Variants in NRXN1 observed in about 807,000 individuals in gnomAD.
NRXN1 encodes the protein neurexin-1.
In NRXN1, 39 loss-of-function variants were observed where a neutral mutation model predicts 150.9. The observed-to-expected ratio is 0.26, with a 90% CI of 0.20 to 0.34. NRXN1 has a LOEUF of 0.34. Ranked by LOEUF, NRXN1 falls within the 10% of genes least tolerant of loss-of-function variation. NRXN1 has a pLI of 1.00. For missense variants in NRXN1, 1,815 were observed against 1,949.9 expected (o/e 0.93, Z 1.30); for synonymous variants, 924 against 757.0 (o/e 1.22, Z -3.62).
At chr2:50,947,856 A>C (rs536696832) in intron 2 of NRXN1, among the ~76,000 whole-genome samples, 2 of 151,988 alleles carry the variant, frequency 1.3e-5, no homozygotes, top group Non-Finnish European at 2.9e-5. Context: ...GTGAAAAGGG[A>C]AAAACTTGTT....
intron 5 of NRXN1, among the ~76,000 whole-genome samples, chr2:50,796,021 C>A (rs1186187705): frequency 1.3e-5 from 2 of 152,058 alleles, no homozygotes; most frequent in Non-Finnish European, 2.9e-5. Flanking sequence ...CCAGTCAAGT[C>A]TGGGGGAAAC....
At chr2:50,519,192 A>C (rs2092711462) in intron 12 of NRXN1, among the ~76,000 whole-genome samples, 1 of 151,928 alleles carries the variant, frequency 6.6e-6, no homozygotes, top group African/African-American at 2.4e-5. Context: ...TGAACATTCG[A>C]ATGCAATATA....
At chr2:50,490,422 C>T (rs2091183491) in intron 15 of NRXN1, among the ~76,000 whole-genome samples, 2 of 152,142 alleles carry the variant, frequency 1.3e-5, no homozygotes, top group Admixed American at 1.3e-4. Flanking sequence ...AAAGCTACCT[C>T]TGTGTAATTG....
At position 51,027,854 on chromosome 2, in the gene NRXN1, G is replaced by C. The variant is rs751401940; in HGVS notation, c.420C>G (p.Val140=). ...CCGTCATGTCCCTGCGCTTGGACTT[G>C]ACCTCCACCCACTTGGCCTCCACCT... is the stretch of plus-strand genomic sequence containing the variant. ...IDQVEAKWVE[V]KSKRRDMTVF... is the part of the protein sequence containing the mutation. Residue 140 remains valine, a synonymous_variant, in exon 2 of 23, where the codon GTC becomes GTG. Transcript: ENST00000401669. 28 of 1,613,072 alleles carry C rather than the reference G, an allele frequency of 1.7e-5. No individual in the cohort carries two copies. Among genetic ancestry groups the C allele is most frequent in the Non-Finnish European group, 2.3e-5 (27 of 1,179,726 alleles).
intron 5 of NRXN1, among the ~76,000 whole-genome samples, chr2:50,893,173 T>G (rs1180067193): frequency 6.6e-6 from 1 of 152,152 alleles, no homozygotes; most frequent in Non-Finnish European, 1.5e-5. Context: ...TTTTGTACCC[T>G]AAGTGCATCT....
intron 12 of NRXN1, among the ~76,000 whole-genome samples, chr2:50,515,189 C>T (rs1215862323): frequency 6.6e-6 from 1 of 152,138 alleles, no homozygotes; most frequent in African/African-American, 2.4e-5. Flanking sequence ...GTGAACTGCA[C>T]ATGCAAGGGA....
At chr2:50,144,380 C>T (rs1707709558) in intron 18 of NRXN1, among the ~76,000 whole-genome samples, 1 of 151,722 alleles carries the variant, frequency 6.6e-6, no homozygotes, top group African/African-American at 2.4e-5. Flanking sequence ...ACTCACAGCC[C>T]CTGAGTTTTC....
At position 50,830,004 on chromosome 2, in the gene NRXN1, A is replaced by G. The variant is rs924746198; in HGVS notation, c.832+91865T>C. The stretch of plus-strand genomic sequence containing the variant: ...CCAAAGAATACTGCCTGCTGGAAAA[A>G]AAAAAAAAAAAAAAAAAAAAAAAAA... On this transcript the variant is annotated intron_variant, in intron 5 of 22. Coordinates refer to ENST00000401669, the MANE Select transcript of NRXN1 (RefSeq NM_001330078.2). Among the ~76,000 whole-genome samples the G allele has an allele frequency of 4.4e-3, 199 of 44,782 alleles. 5 individuals carry two copies. Among genetic ancestry groups the G allele is most frequent in the Non-Finnish European group, 0.011 (133 of 11,618 alleles). 29.4% of individuals were successfully genotyped at this position (44,782 alleles called of 152,430 possible).
intron 21 of NRXN1, among the ~76,000 whole-genome samples, chr2:49,946,204 T>C (rs987976289): frequency 6.6e-6 from 1 of 152,212 alleles, no homozygotes; most frequent in African/African-American, 2.4e-5. Flanking sequence ...TGTATGTTCA[T>C]ATACTTCACC....
chr2:50,758,226 C>CAG (rs1338197236), intron 5 of NRXN1: 1 of 151,842 alleles, frequency 6.6e-6, no homozygotes, highest in Admixed American at 6.6e-5. Flanking sequence ...CTAGACTCTA[C>CAG]TATGGTCGAT....
At chr2:50,171,000 A>C (rs1267537313) in intron 18 of NRXN1, among the ~76,000 whole-genome samples, 1 of 152,170 alleles carries the variant, frequency 6.6e-6, no homozygotes, top group African/African-American at 2.4e-5. Flanking sequence ...TCTTACAATA[A>C]AGTAAGCTAG....
chr2:50,354,787 A>G (rs1184223095), intron 17 of NRXN1, among the ~76,000 whole-genome samples: 2 of 151,984 alleles, frequency 1.3e-5, no homozygotes, highest in Non-Finnish European at 2.9e-5. Context: ...GTCTGGGCAT[A>G]TTAGGCCTCC....
At chr2:50,724,842 T>C (rs1046552482) in intron 5 of NRXN1, among the ~76,000 whole-genome samples, 3 of 152,138 alleles carry the variant, frequency 2.0e-5, no homozygotes, top group African/African-American at 4.8e-5. Flanking sequence ...TGGGTCCCCT[T>C]TCATGCCGTG....
At chr2:49,922,865 A>G (rs1019335195) in intron 22 of NRXN1, among the ~76,000 whole-genome samples, 7 of 152,252 alleles carry the variant, frequency 4.6e-5, no homozygotes, top group Non-Finnish European at 8.8e-5. Flanking sequence ...TGTTTACATA[A>G]GTATGTGTGT....
chr2:50,847,559 T>C (rs1285883378), intron 5 of NRXN1, among the ~76,000 whole-genome samples: 1 of 152,164 alleles, frequency 6.6e-6, no homozygotes, highest in Non-Finnish European at 1.5e-5. Context: ...AGGCATTTCC[T>C]GCCCAAATGT....
At chr2:50,343,578 T>TA (rs911965309) in intron 17 of NRXN1, among the ~76,000 whole-genome samples, 3 of 152,012 alleles carry the variant, frequency 2.0e-5, no homozygotes, top group African/African-American at 4.8e-5. Context: ...CACAGGCCCT[T>TA]AAAAAAAATC....
intron 17 of NRXN1, among the ~76,000 whole-genome samples, chr2:50,309,853 A>C (rs1448852124): frequency 6.6e-6 from 1 of 152,144 alleles, no homozygotes; most frequent in African/African-American, 2.4e-5. Flanking sequence ...GAGAAACTAA[A>C]AAAAATGTTC....
intron 17 of NRXN1, among the ~76,000 whole-genome samples, chr2:50,289,921 C>T (rs938866439): frequency 4.6e-5 from 7 of 152,088 alleles, no homozygotes; most frequent in Admixed American, 1.3e-4. Context: ...TTCCAAACCT[C>T]AAGTGGTAAT....
intron 5 of NRXN1, among the ~76,000 whole-genome samples, chr2:50,723,721 T>G (rs1441704948): frequency 6.6e-6 from 1 of 152,198 alleles, no homozygotes; most frequent in East Asian, 1.9e-4. Context: ...CAGACCCTAA[T>G]GCAGCCTGGG....
Sources: gnomAD v4.1 joint callset for allele counts (sites outside exome capture counted in the v4.1 genomes callset) on GRCh38, gnomAD v4.1.1 for gene constraint, MANE v1.5 for transcripts, NCBI Gene and HGNC (gene_info 2026-07-23, HGNC 2026-07-21) for gene names.